The following ATG2B variants were observed in gnomAD, a reference collection of about 807,000 sequenced individuals.
ATG2B encodes the protein autophagy related 2B.
In ATG2B, 121 loss-of-function variants were observed where a neutral mutation model predicts 241.3. The observed-to-expected ratio is 0.50, with a 90% confidence interval of 0.43 to 0.58. The LOEUF is 0.58. Among genes scored for constraint, ATG2B ranks in the 20% least tolerant of loss-of-function variants. ATG2B has a pLI of 0.00. For missense variants in ATG2B, 2,306 were observed against 2,491.6 expected (o/e 0.93, Z 1.59); for synonymous variants, 858 against 876.6 (o/e 0.98, Z 0.37).
In ATG2B at chr14:96,284,998, T is replaced by A. The variant is rs1388025750; in HGVS notation, c.*757A>T. On this transcript the variant is annotated 3_prime_UTR_variant, in exon 42 of 42. Coordinates refer to ENST00000359933, the MANE Select transcript of ATG2B (RefSeq NM_018036.7). ...CTTCATTACAGAATGCATTTTCCTG[T>A]ACTCTTAAAGGAAGCTATTACATTG... 1 of 152,256 alleles carries A rather than the reference T, an allele frequency of 6.6e-6. No homozygotes were observed. Among genetic ancestry groups the A allele is most frequent in the African/African-American group, 2.4e-5 (1 of 41,474 alleles). The allele number at this position is 152,256 out of a possible 1,614,324, so 9.4% of individuals were successfully genotyped here. A position where few individuals can be genotyped will look rare whatever the true frequency, so the allele number is the denominator to read the frequency against.
intron 1 of ATG2B, among the ~76,000 whole-genome samples, chr14:96,361,072 A>G (rs1027492512): frequency 1.3e-5 from 2 of 152,214 alleles, no homozygotes; most frequent in African/African-American, 4.8e-5. Flanking sequence ...AGCAACAGCA[A>G]ATGTTTACTG....
intron 15 of ATG2B, 177 bp from the exon 16 acceptor site, chr14:96,324,175 G>C: frequency 1.8e-6 from 1 of 559,744 alleles, no homozygotes; most frequent in Non-Finnish European, 3.1e-6. Context: ...ATAAATTAAA[G>C]ATTCTGTTTT....
At chr14:96,292,744 C>A (rs1886521125) in intron 36 of ATG2B, among the ~76,000 whole-genome samples, 2 of 152,282 alleles carry the variant, frequency 1.3e-5, no homozygotes, top group South Asian at 2.1e-4. Flanking sequence ...GAATTATCGA[C>A]AAACAAATAT....
At chr14:96,354,554 G>T (rs1888422099) in intron 1 of ATG2B, among the ~76,000 whole-genome samples, 1 of 152,116 alleles carries the variant, frequency 6.6e-6, no homozygotes, top group Non-Finnish European at 1.5e-5. Context: ...CCGTGTCTTT[G>T]CTATTGTCAA....
intron 1 of ATG2B, among the ~76,000 whole-genome samples, chr14:96,359,377 C>T (rs1888564597): frequency 7.2e-6 from 1 of 138,512 alleles, no homozygotes; most frequent in Non-Finnish European, 1.6e-5. Context: ...GACCCTGTCT[C>T]AAAAAAAAAA....
chr14:96,344,535 C>T (rs900851952), intron 4 of ATG2B, 119 bp downstream of exon 4: 1 of 507,608 alleles, frequency 2.0e-6, no homozygotes, highest in African/African-American at 2.0e-5. Context: ...AAGAGCAGCA[C>T]TTTACTCTGA....
chr14:96,344,231 C>G (rs997010853), intron 4 of ATG2B, among the ~76,000 whole-genome samples: 25 of 152,298 alleles, frequency 1.6e-4, no homozygotes, highest in Non-Finnish European at 2.6e-4. Flanking sequence ...AAAACAGTGG[C>G]CTTAGCCTTT....
chr14:96,316,791 T>C, intron 20 of ATG2B, 108 bp from the exon 21 acceptor site: 1 of 897,148 alleles, frequency 1.1e-6, no homozygotes, highest in Non-Finnish European at 1.7e-6. Context: ...TCTCCCATAC[T>C]GCAGCAAAGC....
rs1281892716 is a variant in ATG2B, at chr14:96,311,229, G to A, written c.4049C>T (p.Ser1350Leu). 2 of 1,613,940 alleles carry A rather than the reference G, an allele frequency of 1.2e-6. No homozygotes were observed. The highest frequency in any genetic ancestry group is 1.7e-6 in the Non-Finnish European group (2 of 1,179,966). ...ATTCATTAACGCAGCACAAGAGTCT[G>A]AGCACGTTCTGATATGGACAACATC... The part of the protein sequence containing the change: ...SSDVVHIRTC[S>L]DSCAALMNLI... The change falls in exon 28 of 42, where the codon TCA (serine) becomes TTA (leucine). Residue 1350 changes from serine to leucine, a missense_variant. By Grantham distance (145) the Ser-to-Leu change is moderately radical (BLOSUM62 -2). This residue lies in a region of ATG2B where 1,927 missense variants were observed against 2,011.2 expected (regional missense o/e 0.96). Coordinates refer to ENST00000359933, the MANE Select transcript of ATG2B (RefSeq NM_018036.7).
intron 11 of ATG2B, among the ~76,000 whole-genome samples, chr14:96,330,053 A>AG (rs1887691508): frequency 6.7e-6 from 1 of 148,462 alleles, no homozygotes; most frequent in Non-Finnish European, 1.5e-5. Flanking sequence ...AAAAATGGGA[A>AG]AAAAAAAAAA....
At chr14:96,312,381 A>C (rs958645248) in intron 25 of ATG2B, among the ~76,000 whole-genome samples, 2 of 152,232 alleles carry the variant, frequency 1.3e-5, no homozygotes, top group African/African-American at 4.8e-5. Context: ...CATCTACTCA[A>C]ATTAATTCTA....
chr14:96,355,405 T>C (rs1383603570), intron 1 of ATG2B, among the ~76,000 whole-genome samples: 2 of 152,170 alleles, frequency 1.3e-5, no homozygotes, highest in Non-Finnish European at 2.9e-5. Flanking sequence ...CATTGCTTGT[T>C]TGTGTCAGGT....
chr14:96,323,149 G>C (rs1210733428), intron 16 of ATG2B, among the ~76,000 whole-genome samples: 1 of 152,014 alleles, frequency 6.6e-6, no homozygotes, highest in Non-Finnish European at 1.5e-5. Context: ...GTTGTTCAAA[G>C]GGAAAAGGGA....
intron 24 of ATG2B, 60 bp downstream of exon 24, chr14:96,313,269 T>TCTACTAAA: frequency 7.1e-7 from 1 of 1,417,622 alleles, no homozygotes; most frequent in Admixed American, 2.1e-5. Flanking sequence ...ATTATGTATT[T>TCTACTAAA]TTTTCAAAAT....
chr14:96,305,433 T>C (rs1451943322), intron 31 of ATG2B, among the ~76,000 whole-genome samples, 156 bp downstream of exon 31: 3 of 152,208 alleles, frequency 2.0e-5, no homozygotes, highest in African/African-American at 7.2e-5. Flanking sequence ...GAGAGTAACA[T>C]TTAAATTACA....
chr14:96,315,121 A>C, intron 23 of ATG2B, 33 bp downstream of exon 23: 1 of 1,527,356 alleles, frequency 6.5e-7, no homozygotes, highest in Non-Finnish European at 9.0e-7. Flanking sequence ...CAAATTTTTA[A>C]ATAAATTAAT....
At chr14:96,354,453 T>A (rs953576034) in intron 1 of ATG2B, among the ~76,000 whole-genome samples, 1 of 152,232 alleles carries the variant, frequency 6.6e-6, no homozygotes, top group African/African-American at 2.4e-5. Flanking sequence ...AAGGACATGA[T>A]CTCATTCCTT....
intron 5 of ATG2B, among the ~76,000 whole-genome samples, chr14:96,342,266 A>G (rs932184290): frequency 4.0e-5 from 6 of 151,854 alleles, no homozygotes; most frequent in Admixed American, 2.6e-4. Context: ...AAAATGCTCC[A>G]AAATCCAAAA....
intron 29 of ATG2B, among the ~76,000 whole-genome samples, chr14:96,308,263 T>TATATATAC (rs1887039083): frequency 3.4e-4 from 9 of 26,452 alleles, no homozygotes; most frequent in Non-Finnish European, 7.6e-4. Context: ...CACACATATA[T>TATATATAC]ATATATATAT....
Sources: allele counts gnomAD v4.1 joint callset (sites outside exome capture counted in the v4.1 genomes callset), GRCh38; gene constraint gnomAD v4.1.1; regional missense constraint gnomAD v4.1.1; transcripts MANE v1.5; gene names NCBI Gene and HGNC (gene_info 2026-07-23, HGNC 2026-07-21).